ACMSD: variants seen among roughly 807,000 people sequenced by gnomAD.
ACMSD encodes the protein aminocarboxymuconate semialdehyde decarboxylase.
In ACMSD, 37 loss-of-function variants were observed where a neutral mutation model predicts 45.9. The observed-to-expected ratio is 0.81, with a 90% CI of 0.62 to 1.06. The LOEUF is 1.06. Ranked by LOEUF, ACMSD falls within the 50% of genes least tolerant of loss-of-function variation. The probability of loss-of-function intolerance (pLI) is 0.00; values close to 1 mark genes in which losing one functional copy is unlikely to be tolerated. For missense variants in ACMSD, 434 were observed against 420.9 expected (o/e 1.03, Z -0.27); for synonymous variants, 138 against 148.8 (o/e 0.93, Z 0.53).
intron 8 of ACMSD, among the ~76,000 whole-genome samples, chr2:134,892,125 G>A (rs1689822229): frequency 6.6e-6 from 1 of 151,976 alleles, no homozygotes. Context: ...CTTACTGAGT[G>A]CTATGTACAT....
intron 9 of ACMSD, 68 bp from the exon 10 acceptor site, chr2:134,901,730 C>A: frequency 8.8e-7 from 1 of 1,139,916 alleles, no homozygotes; most frequent in Non-Finnish European, 1.2e-6. Flanking sequence ...TAAACCTGAT[C>A]AATGTAGTAC....
intron 1 of ACMSD, among the ~76,000 whole-genome samples, chr2:134,843,310 CT>C (rs1686891776): frequency 6.6e-6 from 1 of 152,134 alleles, no homozygotes; most frequent in African/African-American, 2.4e-5. Context: ...AAAACCGGTT[CT>C]GCTGATGTCA....
intron 9 of ACMSD, 51 bp downstream of exon 9, chr2:134,898,490 T>C (rs1690311457): frequency 2.9e-6 from 4 of 1,367,292 alleles, no homozygotes; most frequent in Admixed American, 2.5e-5. Context: ...CCTGCTCTAA[T>C]TGGGTTTGGT....
intron 8 of ACMSD, among the ~76,000 whole-genome samples, chr2:134,890,059 G>C (rs1027120285): frequency 6.6e-6 from 1 of 151,972 alleles, no homozygotes; most frequent in African/African-American, 2.4e-5. Context: ...AATACCAGTG[G>C]ATGAAAGTTG....
At chr2:134,880,906 T>C (rs932490732) in intron 8 of ACMSD, among the ~76,000 whole-genome samples, 12 of 152,258 alleles carry the variant, frequency 7.9e-5, no homozygotes, top group African/African-American at 2.7e-4. Context: ...AATTTTGTGT[T>C]ATGTGAATTT....
At chr2:134,896,837 A>G (rs1690181019) in intron 8 of ACMSD, among the ~76,000 whole-genome samples, 1 of 152,162 alleles carries the variant, frequency 6.6e-6, no homozygotes, top group Non-Finnish European at 1.5e-5. Flanking sequence ...TGAAAACATT[A>G]AACTAAATGA....
At chr2:134,883,668 A>G (rs897667148) in intron 8 of ACMSD, among the ~76,000 whole-genome samples, 9 of 151,970 alleles carry the variant, frequency 5.9e-5, no homozygotes, top group Non-Finnish European at 1.2e-4. Flanking sequence ...TAAATTTTTG[A>G]TTTTGTAGAG....
intron 2 of ACMSD, among the ~76,000 whole-genome samples, chr2:134,847,199 T>C (rs887308478): frequency 6.6e-6 from 1 of 152,024 alleles, no homozygotes; most frequent in African/African-American, 2.4e-5. Flanking sequence ...AAAGACCACT[T>C]TGGTTGCTCT....
At chr2:134,857,090 T>C (rs1026808075) in intron 2 of ACMSD, among the ~76,000 whole-genome samples, 1 of 152,202 alleles carries the variant, frequency 6.6e-6, no homozygotes, top group South Asian at 2.1e-4. Flanking sequence ...AGTTTTCAGA[T>C]CTTTCACCTT....
chr2:134,862,210 C>G (rs1375734904), intron 4 of ACMSD, among the ~76,000 whole-genome samples, 192 bp downstream of exon 4: 1 of 152,124 alleles, frequency 6.6e-6, no homozygotes, highest in Non-Finnish European at 1.5e-5. Flanking sequence ...AGTACGGTAG[C>G]CAGTAGTCAC....
At chr2:134,883,754 C>G (rs1302647644) in intron 8 of ACMSD, among the ~76,000 whole-genome samples, 1 of 152,142 alleles carries the variant, frequency 6.6e-6, no homozygotes, top group African/African-American at 2.4e-5. Context: ...CCACCTCAGC[C>G]TCCCAGAGTG....
chr2:134,852,682 C>G (rs1009290293), intron 2 of ACMSD, among the ~76,000 whole-genome samples: 2 of 151,996 alleles, frequency 1.3e-5, no homozygotes, highest in Admixed American at 6.6e-5. Flanking sequence ...TCCTTCAGAA[C>G]CTGGGAATGT....
chr2:134,864,246 G>A (rs1425801845), intron 5 of ACMSD, among the ~76,000 whole-genome samples: 3 of 148,246 alleles, frequency 2.0e-5, no homozygotes, highest in Non-Finnish European at 4.4e-5. Context: ...TCTAGTCTGG[G>A]TAAGAGAGCA....
chr2:134,897,598 A>G (rs575296151), intron 8 of ACMSD, among the ~76,000 whole-genome samples: 1 of 152,124 alleles, frequency 6.6e-6, no homozygotes, highest in Admixed American at 6.6e-5. Flanking sequence ...ACTTTGATAA[A>G]TTGCCATTAT....
intron 1 of ACMSD, among the ~76,000 whole-genome samples, chr2:134,839,626 G>A (rs544934377): frequency 7.9e-5 from 12 of 152,254 alleles, no homozygotes; most frequent in Non-Finnish European, 1.5e-4. Flanking sequence ...GCAAATAGAT[G>A]AAACTATTTT....
At chr2:134,897,362 A>T (rs913084839) in intron 8 of ACMSD, among the ~76,000 whole-genome samples, 12 of 152,154 alleles carry the variant, frequency 7.9e-5, no homozygotes, top group South Asian at 2.1e-4. Context: ...TTATAACTTC[A>T]AGATCATTCT....
intron 2 of ACMSD, among the ~76,000 whole-genome samples, chr2:134,848,421 C>T (rs1418500079): frequency 6.6e-6 from 1 of 152,188 alleles, no homozygotes; most frequent in Non-Finnish European, 1.5e-5. Flanking sequence ...TCCTATTTCT[C>T]CACATCCTCT....
rs1406233607 is a variant in ACMSD, at chr2:134,895,316, A to AT, written c.850-3025_850-3024insT. On this transcript the variant is annotated intron_variant, in intron 8 of 9. Transcript: ENST00000356140. ...AGACTGCATCTCAAAAAAGAAAAAA[A>AT]ATATATATATGTTATATATATAATA... Among the ~76,000 whole-genome samples, 28 of 49,188 alleles carry AT rather than the reference A, an allele frequency of 5.7e-4. No individual in the cohort carries two copies. The Admixed American group carries it at 8.5e-3, about 15-fold the overall frequency. 32.3% of individuals were successfully genotyped at this position (49,188 alleles called of 152,430 possible).
At chr2:134,845,391 C>T in intron 2 of ACMSD, 114 bp downstream of exon 2, 1 of 1,141,384 alleles carries the variant, frequency 8.8e-7, no homozygotes, top group Non-Finnish European at 1.3e-6. Context: ...CATGTATTAG[C>T]TTTGTTGTAG....
Sources: gnomAD v4.1 joint callset for allele counts (sites outside exome capture counted in the v4.1 genomes callset) on GRCh38, gnomAD v4.1.1 for gene constraint, MANE v1.5 for transcripts, NCBI Gene and HGNC (gene_info 2026-07-23, HGNC 2026-07-21) for gene names.